NARS2: variants seen among roughly 807,000 people sequenced by gnomAD.
The protein encoded by NARS2 is asparaginyl-tRNA synthetase 2, mitochondrial, also known as asparaginyl-tRNA synthetase.
NARS2 carries 60 observed loss-of-function variants against 62.9 expected under a neutral mutation model. The observed-to-expected ratio is 0.95, with a 90% CI of 0.77 to 1.18. NARS2 has a LOEUF of 1.18. Among genes scored for constraint, NARS2 ranks in the 50% most tolerant of loss-of-function variants. The probability of loss-of-function intolerance (pLI) is 0.00; values close to 1 mark genes in which losing one functional copy is unlikely to be tolerated. For synonymous variants in NARS2, 196 were observed against 200.0 expected (o/e 0.98, Z 0.17); for missense variants, 619 against 576.4 (o/e 1.07, Z -0.76).
intron 13 of NARS2, among the ~76,000 whole-genome samples, chr11:78,440,095 C>T (rs1418028401): frequency 4.6e-5 from 7 of 152,308 alleles, no homozygotes; most frequent in South Asian, 2.1e-4. Context: ...GACGGAGTCT[C>T]GCTCTGTCAC....
intron 5 of NARS2, among the ~76,000 whole-genome samples, chr11:78,529,325 T>G (rs897336423): frequency 6.6e-6 from 1 of 152,376 alleles, no homozygotes; most frequent in South Asian, 2.1e-4. Flanking sequence ...CTCAAGAGAA[T>G]AGCCTCTGGA....
intron 9 of NARS2, 22 bp from the exon 10 acceptor site, chr11:78,469,335 G>A (rs748073776): frequency 6.3e-7 from 1 of 1,591,784 alleles, no homozygotes; most frequent in Non-Finnish European, 8.6e-7. Context: ...CAGGATACAA[G>A]CAGAGAAAAG....
chr11:78,549,550 A>C (rs541452136), intron 5 of NARS2, among the ~76,000 whole-genome samples: 1 of 152,214 alleles, frequency 6.6e-6, no homozygotes, highest in Admixed American at 6.5e-5. Context: ...AGTATGCTGG[A>C]AAGAAACAGA....
chr11:78,491,032 G>A (rs1022607971), intron 7 of NARS2, among the ~76,000 whole-genome samples: 1 of 152,170 alleles, frequency 6.6e-6, no homozygotes, highest in Non-Finnish European at 1.5e-5. Context: ...AAATATAATT[G>A]TAGAACAAAG....
intron 11 of NARS2, among the ~76,000 whole-genome samples, chr11:78,458,554 T>C (rs1285144285): frequency 6.6e-6 from 1 of 152,190 alleles, no homozygotes; most frequent in African/African-American, 2.4e-5. Flanking sequence ...CTTTATGCTA[T>C]GTTGCTACCA....
chr11:78,574,489 C>G lies in NARS2; in HGVS notation c.-1G>C. On this transcript the variant is annotated 5_prime_UTR_variant, in exon 1 of 14. Coordinates refer to ENST00000281038, the MANE Select transcript of NARS2 (RefSeq NM_024678.6). ...GCAGCAGGCAGCGGACCCCCAGCATCCCGCGTCCGCCCAGGCCCTCCGCGG... is the reference window on the plus strand; with the variant it reads ...GCAGCAGGCAGCGGACCCCCAGCATGCCGCGTCCGCCCAGGCCCTCCGCGG... The G allele has an allele frequency of 6.2e-7, 1 of 1,608,580 alleles. No individual in the cohort carries two copies. The highest frequency in any genetic ancestry group is 8.5e-7 in the Non-Finnish European group (1 of 1,177,902).
intron 6 of NARS2, among the ~76,000 whole-genome samples, chr11:78,505,395 A>G (rs1048206820): frequency 3.3e-5 from 5 of 152,048 alleles, no homozygotes; most frequent in Non-Finnish European, 7.4e-5. Flanking sequence ...GTACTTTAAG[A>G]TATCCTAACA....
At position 78,528,791 on chromosome 11, in the gene NARS2, C is replaced by T. The variant is rs377667190; in HGVS notation, c.689+51G>A. The T allele has an allele frequency of 1.6e-3, 2,083 of 1,274,280 alleles. 7 individuals are homozygous for T. The highest frequency in any genetic ancestry group is 2.0e-3 in the Non-Finnish European group (1,797 of 877,538). 78.9% of individuals were successfully genotyped at this position (1,274,280 alleles called of 1,614,324 possible). A position where few individuals can be genotyped will look rare whatever the true frequency, so the allele number is the denominator to read the frequency against. On this transcript the variant is annotated intron_variant, in intron 6 of 13. Transcript: ENST00000281038. ...GTTTGAGCATGGGAAGGGAAGCACT[C>T]TCAACCAAACCATAATATATCAAAG...
At position 78,436,084 on chromosome 11, in the gene NARS2, A is replaced by T. The variant is rs949373524; in HGVS notation, c.*586T>A. ...AATGTAATATCTCAACAGCTTTGAA[A>T]ATTGAAAAGCAACAGTTATTAAACA... is the stretch of plus-strand genomic sequence containing the variant. On this transcript the variant is annotated 3_prime_UTR_variant, in exon 14 of 14. Coordinates refer to ENST00000281038, the MANE Select transcript of NARS2 (RefSeq NM_024678.6). The T allele has an allele frequency of 6.6e-6, 1 of 152,274 alleles. No homozygotes were observed. The highest frequency in any genetic ancestry group is 2.4e-5 in the African/African-American group (1 of 41,466). The allele number at this position is 152,274 out of a possible 1,614,324, so 9.4% of individuals were successfully genotyped here.
chr11:78,555,467 G>A (rs1856316969), intron 5 of NARS2: 1 of 152,136 alleles, frequency 6.6e-6, no homozygotes, highest in African/African-American at 2.4e-5. Flanking sequence ...GAGGGTGTAT[G>A]TTTCCAGCAA....
chr11:78,469,227 A>G lies in NARS2; in HGVS notation c.1026+20T>C. ...GAAGCATTTTCACACACACATATAT[A>G]CATACACACAAAATACTACCTCTGG... On this transcript the variant is annotated intron_variant, in intron 10 of 13. Coordinates refer to ENST00000281038, the MANE Select transcript of NARS2 (RefSeq NM_024678.6). 1 of 1,536,248 alleles carries G rather than the reference A, an allele frequency of 6.5e-7. No individual in the cohort carries two copies. Among genetic ancestry groups the G allele is most frequent in the Non-Finnish European group, 9.0e-7 (1 of 1,109,448 alleles).
At chr11:78,453,660 A>C (rs1858050348) in intron 11 of NARS2, among the ~76,000 whole-genome samples, 1 of 152,206 alleles carries the variant, frequency 6.6e-6, no homozygotes, top group Non-Finnish European at 1.5e-5. Flanking sequence ...CAATGGGGCA[A>C]GGTTACACAC....
At chr11:78,560,786 C>T (rs1471537439) in intron 4 of NARS2, among the ~76,000 whole-genome samples, 1 of 152,120 alleles carries the variant, frequency 6.6e-6, no homozygotes, top group South Asian at 2.1e-4. Flanking sequence ...AGCAACATGC[C>T]CAGAGGTGCT....
chr11:78,508,406 T>C lies in NARS2; in HGVS notation c.690-15211A>G, dbSNP rs575591789. Among the ~76,000 whole-genome samples the C allele has an allele frequency of 5.9e-5, 9 of 151,828 alleles. No individual in the cohort carries two copies. In the South Asian group the frequency reaches 1.9e-3, roughly 32 times the overall value. ...GGGTTCGAGAACAGCCTGGCCAACA[T>C]GGTGAAACCCCGTCTCTACCAAAGA... On this transcript the variant is annotated intron_variant, in intron 6 of 13. Coordinates refer to ENST00000281038, the MANE Select transcript of NARS2 (RefSeq NM_024678.6).
rs550910284 is a variant in NARS2 at position 78,495,824 on chromosome 11, T to C, written c.690-2629A>G. Reference sequence around the variant, plus strand: ...TGTGACTGTGCCATCTCTAGGTAGGTTGGCAATAGTACAGTACATCTAAAT... The same window carrying C: ...TGTGACTGTGCCATCTCTAGGTAGGCTGGCAATAGTACAGTACATCTAAAT... On this transcript the variant is annotated intron_variant, in intron 6 of 13. Transcript: ENST00000281038. Among the ~76,000 whole-genome samples the C allele has an allele frequency of 1.5e-3, 232 of 152,306 alleles. 1 individual carries two copies. Among genetic ancestry groups the C allele is most frequent in the Middle Eastern group, 6.8e-3 (2 of 294 alleles).
Position 78,466,030 on chromosome 11 carries a change from G to A in NARS2, c.1027-17C>T. The stretch of plus-strand genomic sequence containing the variant: ...AGCACCCCACTGTAATGAGAAGAAA[G>A]AAATGACCAAAAGAGGAGACAGAGG... On this transcript the variant is annotated splice_polypyrimidine_tract_variant and intron_variant, in intron 10 of 13. Coordinates refer to ENST00000281038, the MANE Select transcript of NARS2 (RefSeq NM_024678.6). The A allele has an allele frequency of 1.3e-6, 2 of 1,569,284 alleles. No individual in the cohort carries two copies. The highest frequency in any genetic ancestry group is 3.4e-4 in the Middle Eastern group (2 of 5,824).
intron 3 of NARS2, among the ~76,000 whole-genome samples, chr11:78,566,747 T>C (rs548339546): frequency 9.8e-5 from 15 of 152,334 alleles, no homozygotes; most frequent in South Asian, 4.1e-4. Flanking sequence ...TCATTACTAT[T>C]ATCAACGTGC....
chr11:78,436,378 T>A lies in NARS2; in HGVS notation c.*292A>T, dbSNP rs1857410601. 3.4e-6 allele frequency: 1 copy of A among 295,664 alleles called. No individual in the cohort carries two copies. The highest frequency in any genetic ancestry group is 2.2e-5 in the African/African-American group (1 of 46,060). 18.3% of individuals were successfully genotyped at this position (295,664 alleles called of 1,614,324 possible). A position where few individuals can be genotyped will look rare whatever the true frequency, so the allele number is the denominator to read the frequency against. On this transcript the variant is annotated 3_prime_UTR_variant, in exon 14 of 14. Coordinates refer to ENST00000281038, the MANE Select transcript of NARS2 (RefSeq NM_024678.6). ...TACATTATCTCATTCTGTTTTAGAG[T>A]TTAAAAGAAACTTTGAGACTAATTC...
chr11:78,486,228 A>G (rs543354063), intron 7 of NARS2, among the ~76,000 whole-genome samples: 1 of 152,244 alleles, frequency 6.6e-6, no homozygotes, highest in East Asian at 1.9e-4. Flanking sequence ...TGGTGGCCAC[A>G]GTCACCTGGA....
Sources: allele counts gnomAD v4.1 joint callset (sites outside exome capture counted in the v4.1 genomes callset), GRCh38; gene constraint gnomAD v4.1.1; transcripts MANE v1.5; gene names NCBI Gene and HGNC (gene_info 2026-07-23, HGNC 2026-07-21).